The following ZNF599 variants were observed in gnomAD, a reference collection of about 807,000 sequenced individuals.
ZNF599 encodes the protein zinc finger protein 599.
In ZNF599, 10 loss-of-function variants were observed where a neutral mutation model predicts 11.7. The ratio of observed to expected loss-of-function variants is 0.86; its 90% CI spans 0.53 to 1.45. The LOEUF is 1.45. ZNF599 is among the 40% of genes most tolerant of loss of function. The pLI, the probability that ZNF599 is intolerant of heterozygous loss-of-function variation, is 0.00. For missense variants in ZNF599, 688 were observed against 713.6 expected (o/e 0.96, Z 0.41); for synonymous variants, 232 against 253.2 (o/e 0.92, Z 0.79).
the ZNF599 span, among the ~76,000 whole-genome samples, chr19:34,798,200 T>C: frequency 6.6e-6 from 1 of 152,230 alleles, no homozygotes; most frequent in Non-Finnish European, 1.5e-5. Flanking sequence ...TTTTATTCCA[T>C]AGCAATAGTT....
chr19:34,794,337 C>T, the ZNF599 span, among the ~76,000 whole-genome samples: 7 of 152,046 alleles, frequency 4.6e-5, no homozygotes, highest in Non-Finnish European at 7.4e-5. Flanking sequence ...TAAACTGTCA[C>T]GGCACTGGTG....
the ZNF599 span, among the ~76,000 whole-genome samples, chr19:34,786,992 A>T: frequency 8.3e-3 from 1,264 of 152,318 alleles, 5 homozygotes; most frequent in Non-Finnish European, 0.014. Context: ...ATAATTTTTT[A>T]AAAATGCATG....
At chr19:34,773,724 G>T (rs2069201802), upstream of ZNF599, among the ~76,000 whole-genome samples, 1 of 152,084 alleles carries the variant, frequency 6.6e-6, no homozygotes, top group South Asian at 2.1e-4. Flanking sequence ...CCAGCCCTCT[G>T]CTTAACTTGT....
the ZNF599 span, among the ~76,000 whole-genome samples, chr19:34,778,698 A>C: frequency 6.6e-6 from 1 of 152,226 alleles, no homozygotes; most frequent in African/African-American, 2.4e-5. Context: ...AAACAGCACA[A>C]AATTTGAGAA....
chr19:34,776,980 G>A (rs1339218943), upstream of ZNF599, among the ~76,000 whole-genome samples: 2 of 151,954 alleles, frequency 1.3e-5, no homozygotes, highest in African/African-American at 4.8e-5. Context: ...ATGGTAAACT[G>A]ACATGGCACA....
the ZNF599 span, among the ~76,000 whole-genome samples, chr19:34,796,661 T>C: frequency 6.6e-6 from 1 of 152,168 alleles, no homozygotes; most frequent in Non-Finnish European, 1.5e-5. Flanking sequence ...GGGGAGCCAT[T>C]CTTTTCCTCT....
upstream of ZNF599, among the ~76,000 whole-genome samples, chr19:34,776,778 C>T (rs2069218080): frequency 6.6e-6 from 1 of 152,198 alleles, no homozygotes; most frequent in South Asian, 2.1e-4. Flanking sequence ...ACTGCCTCTG[C>T]AGAGCAGGGC....
At chr19:34,766,776 C>T (rs550916254) in intron 3 of ZNF599, among the ~76,000 whole-genome samples, 3 of 152,180 alleles carry the variant, frequency 2.0e-5, no homozygotes, top group East Asian at 1.9e-4. Context: ...GCCTAATACC[C>T]AGTTCTTGTG....
chr19:34,799,282 C>T, the ZNF599 span, among the ~76,000 whole-genome samples: 2 of 152,124 alleles, frequency 1.3e-5, no homozygotes, highest in African/African-American at 2.4e-5. Flanking sequence ...AGTTTACTGG[C>T]GTGAACCACC....
upstream of ZNF599, among the ~76,000 whole-genome samples, chr19:34,774,092 A>T (rs1320664329): frequency 2.6e-5 from 4 of 152,224 alleles, no homozygotes; most frequent in Non-Finnish European, 5.9e-5. Flanking sequence ...CGGTATATGC[A>T]GGAGGGTTTC....
chr19:34,777,429 ATAATATATGATATATATTAAT>A (rs1568497050), upstream of ZNF599, among the ~76,000 whole-genome samples: 1 of 96,372 alleles, frequency 1.0e-5, no homozygotes, highest in African/African-American at 4.2e-5. Flanking sequence ...TAATTAATAT[ATAATATATGATATATATTAAT>A]TAATATATAA....
At chr19:34,771,888 G>C (rs1357973489) in intron 1 of ZNF599, among the ~76,000 whole-genome samples, 1 of 152,214 alleles carries the variant, frequency 6.6e-6, no homozygotes, top group African/African-American at 2.4e-5. Context: ...GATAAAGTCA[G>C]AAGACTCTAG....
rs1290273494 is a variant in ZNF599, at chr19:34,759,721, G to A, written c.1080C>T (p.Thr360=). ...ATAAAAATGGTTTTTCTCCTGTGTG[G>A]GTCACATTGTGCTGGATAAATGTGG... is the stretch of plus-strand genomic sequence containing the variant. ...HRSTFIQHNV[T]HTGEKPFLCK... is the part of the protein sequence containing the mutation. The change falls in exon 4 of 4, where the codon ACC becomes ACT. Residue 360 remains threonine, a synonymous_variant. Coordinates refer to ENST00000329285, the MANE Select transcript of ZNF599 (RefSeq NM_001007248.3). The A allele has an allele frequency of 1.2e-6, 2 of 1,613,876 alleles. No homozygotes were observed. Among genetic ancestry groups the A allele is most frequent in the Non-Finnish European group, 1.7e-6 (2 of 1,180,022 alleles).
chr19:34,806,865 A>T, the ZNF599 span, among the ~76,000 whole-genome samples: 1 of 152,182 alleles, frequency 6.6e-6, no homozygotes, highest in Non-Finnish European at 1.5e-5. Context: ...AAGCTGGTAC[A>T]AGGAGACAGA....
At chr19:34,779,746 G>A in the ZNF599 span, 1 of 270,768 alleles carries the variant, frequency 3.7e-6, no homozygotes, top group Non-Finnish European at 7.2e-6. Context: ...GATGCATATT[G>A]AGAGTGGAGG....
At chr19:34,784,746 G>A in the ZNF599 span, among the ~76,000 whole-genome samples, 308 of 151,616 alleles carry the variant, frequency 2.0e-3, no homozygotes, top group African/African-American at 7.0e-3. Flanking sequence ...CATCCATCTC[G>A]AATCGATACC....
intron 3 of ZNF599, chr19:34,764,190 G>C (rs1292569925): frequency 6.6e-6 from 1 of 152,188 alleles, no homozygotes; most frequent in Non-Finnish European, 1.5e-5. Context: ...TAGCAATCAG[G>C]ATGGCAACAG....
In ZNF599 at chr19:34,773,116, T is replaced by TA. The variant is rs747693563; in HGVS notation, c.-276dup. ...TCCTATCCTCCTCACTGTCCGTCTC[T>TA]ACTCGGTCTCGAAAAGTGGCCCCTG... On this transcript the variant is annotated 5_prime_UTR_variant, in exon 1 of 4. Transcript: ENST00000329285. 1.4e-5 allele frequency: 6 copies of TA among 422,532 alleles called. No individual in the cohort carries two copies. Among genetic ancestry groups the TA allele is most frequent in the Admixed American group, 1.3e-4 (3 of 23,524 alleles). 26.2% of individuals were successfully genotyped at this position (422,532 alleles called of 1,614,324 possible). A position where few individuals can be genotyped will look rare whatever the true frequency, so the allele number is the denominator to read the frequency against.
In ZNF599 at chr19:34,760,513, C is replaced by A; in HGVS notation, c.288G>T (p.Leu96=). The change falls in exon 4 of 4, where the codon CTG becomes CTT. Residue 96 remains leucine (L), a synonymous_variant. Coordinates refer to ENST00000329285, the MANE Select transcript of ZNF599 (RefSeq NM_001007248.3). The stretch of plus-strand genomic sequence containing the variant: ...GGAAAGAGGATTCCTCAGAGAAGGC[C>A]AGCTGAGAAGCAGTAGGCTCTGTAA... ...PKITEPTASQ[L]AFSEESSFQE... 1 of 1,613,956 alleles carries A rather than the reference C, an allele frequency of 6.2e-7. No individual in the cohort carries two copies. Among genetic ancestry groups the A allele is most frequent in the South Asian group, 1.1e-5 (1 of 91,076 alleles).
Sources: allele counts gnomAD v4.1 joint callset (sites outside exome capture counted in the v4.1 genomes callset), GRCh38; gene constraint gnomAD v4.1.1; transcripts MANE v1.5; gene names NCBI Gene and HGNC (gene_info 2026-07-23, HGNC 2026-07-21).